The following DTNBP1 variants were observed in gnomAD, a reference collection of about 807,000 sequenced individuals.
DTNBP1 encodes the protein dysbindin.
DTNBP1 carries 35 observed loss-of-function variants against 42.8 expected under a neutral mutation model. The ratio of observed to expected loss-of-function variants is 0.82; its 90% CI spans 0.63 to 1.09. The LOEUF is 1.09. Among genes scored for constraint, DTNBP1 ranks in the 50% least tolerant of loss-of-function variants. The pLI, the probability that DTNBP1 is intolerant of heterozygous loss-of-function variation, is 0.00. For missense variants in DTNBP1, 457 were observed against 424.2 expected (o/e 1.08, Z -0.68); for synonymous variants, 171 against 162.2 (o/e 1.05, Z -0.41).
chr6:15,628,016 G>T (rs1190378183), intron 4 of DTNBP1, among the ~76,000 whole-genome samples: 2 of 152,138 alleles, frequency 1.3e-5, no homozygotes, highest in African/African-American at 4.8e-5. Flanking sequence ...CAGAATTCCA[G>T]AAAAAGAGGA....
chr6:15,652,651 A>C (rs959176936), intron 1 of DTNBP1, among the ~76,000 whole-genome samples: 1 of 151,830 alleles, frequency 6.6e-6, no homozygotes, highest in Non-Finnish European at 1.5e-5. Flanking sequence ...TTTTTAAGAG[A>C]TGGTCTCACT....
intron 7 of DTNBP1, among the ~76,000 whole-genome samples, chr6:15,575,336 T>C (rs907848964): frequency 2.6e-5 from 4 of 152,168 alleles, no homozygotes; most frequent in African/African-American, 9.7e-5. Context: ...AGACTGAATA[T>C]GAGAGAAACT....
chr6:15,588,057 A>T (rs1776151206), intron 7 of DTNBP1, among the ~76,000 whole-genome samples: 1 of 152,244 alleles, frequency 6.6e-6, no homozygotes, highest in South Asian at 2.1e-4. Flanking sequence ...TGGCAGCATT[A>T]TTCAAAATAG....
chr6:15,562,402 G>T (rs1774884036), intron 7 of DTNBP1, among the ~76,000 whole-genome samples: 1 of 152,088 alleles, frequency 6.6e-6, no homozygotes, highest in Non-Finnish European at 1.5e-5. Flanking sequence ...TTTATAAAAA[G>T]AAAATATGTT....
intron 7 of DTNBP1, among the ~76,000 whole-genome samples, chr6:15,565,074 G>GACA (rs1775008796): frequency 6.6e-6 from 1 of 152,184 alleles, no homozygotes; most frequent in African/African-American, 2.4e-5. Context: ...CCACTGCACT[G>GACA]TAGCCGTGAC....
At chr6:15,644,479 A>G (rs1274473177) in intron 3 of DTNBP1, among the ~76,000 whole-genome samples, 1 of 152,164 alleles carries the variant, frequency 6.6e-6, no homozygotes, top group Non-Finnish European at 1.5e-5. Context: ...CAGAATATAC[A>G]TTCTTCTCAT....
intron 8 of DTNBP1, 101 bp from the exon 9 acceptor site, chr6:15,524,770 C>T (rs1031382180): frequency 7.8e-6 from 12 of 1,537,068 alleles, no homozygotes; most frequent in Non-Finnish European, 1.0e-5. Context: ...ATTTCCTAAG[C>T]TTCCTTCAAA....
intron 3 of DTNBP1, among the ~76,000 whole-genome samples, chr6:15,644,964 CCATA>C (rs1760590295): frequency 6.6e-6 from 1 of 151,138 alleles, no homozygotes; most frequent in Admixed American, 6.6e-5. Context: ...CAAAAAAAAA[CCATA>C]CAAAGTATCA....
chr6:15,551,392 T>C (rs1012707143), intron 7 of DTNBP1, among the ~76,000 whole-genome samples: 5 of 152,190 alleles, frequency 3.3e-5, no homozygotes, highest in African/African-American at 9.7e-5. Context: ...CGTATAAGAA[T>C]AGCTTTGCAA....
intron 7 of DTNBP1, among the ~76,000 whole-genome samples, chr6:15,567,498 CT>C: frequency 6.8e-6 from 1 of 147,320 alleles, no homozygotes; most frequent in African/African-American, 2.5e-5. Context: ...ACAAACAAAC[CT>C]TGGTCTCCAC....
intron 8 of DTNBP1, among the ~76,000 whole-genome samples, chr6:15,529,284 A>G (rs1772645392): frequency 6.6e-6 from 1 of 152,194 alleles, no homozygotes; most frequent in Admixed American, 6.5e-5. Context: ...CTCCATCCTA[A>G]AACAAACAAA....
intron 4 of DTNBP1, among the ~76,000 whole-genome samples, chr6:15,628,281 G>GA (rs1048938395): frequency 5.3e-5 from 8 of 149,966 alleles, no homozygotes; most frequent in Admixed American, 2.7e-4. Context: ...AAGAACTGTG[G>GA]AAAAAACTCC....
At chr6:15,629,367 GAATA>G (rs1313870923) in intron 4 of DTNBP1, among the ~76,000 whole-genome samples, 9 of 151,602 alleles carry the variant, frequency 5.9e-5, no homozygotes, top group Non-Finnish European at 1.2e-4. Context: ...GAAAACTCTA[GAATA>G]AATAATTTTA....
chr6:15,536,076 C>A, intron 7 of DTNBP1, among the ~76,000 whole-genome samples: 1 of 152,148 alleles, frequency 6.6e-6, no homozygotes, highest in East Asian at 1.9e-4. Context: ...TGAAAGCTTT[C>A]AGTTTTATGT....
chr6:15,600,210 A>G (rs2113651623), intron 6 of DTNBP1, among the ~76,000 whole-genome samples: 1 of 152,306 alleles, frequency 6.6e-6, no homozygotes, highest in East Asian at 1.9e-4. Flanking sequence ...CACAGAGTAC[A>G]GATGGCTTTG....
chr6:15,660,489 T>A, intron 1 of DTNBP1: 1 of 1,289,766 alleles, frequency 7.8e-7, no homozygotes, highest in Non-Finnish European at 1.0e-6. Flanking sequence ...TGGCACACAC[T>A]GACAGTCCAG....
intron 3 of DTNBP1, among the ~76,000 whole-genome samples, chr6:15,640,964 C>G (rs1317382128): frequency 6.6e-6 from 1 of 152,140 alleles, no homozygotes; most frequent in Non-Finnish European, 1.5e-5. Context: ...CAATAAGGAC[C>G]CTGTGCTCCA....
intron 7 of DTNBP1, among the ~76,000 whole-genome samples, chr6:15,537,032 A>G (rs1050712025): frequency 6.6e-6 from 1 of 152,136 alleles, no homozygotes; most frequent in African/African-American, 2.4e-5. Context: ...ATGCCTGTAC[A>G]CCCATTGTAT....
At chr6:15,593,780 T>A (rs1776393753) in intron 6 of DTNBP1, among the ~76,000 whole-genome samples, 1 of 152,232 alleles carries the variant, frequency 6.6e-6, no homozygotes, top group Non-Finnish European at 1.5e-5. Flanking sequence ...GTTACGTATT[T>A]TTTTTCCTCA....
Sources: allele counts gnomAD v4.1 joint callset (sites outside exome capture counted in the v4.1 genomes callset), GRCh38; gene constraint gnomAD v4.1.1; transcripts MANE v1.5; gene names NCBI Gene and HGNC (gene_info 2026-07-23, HGNC 2026-07-21).